TSFM: variants seen among roughly 807,000 people sequenced by gnomAD.
The protein encoded by TSFM is elongation factor Ts, mitochondrial.
In TSFM, 29 loss-of-function variants were observed where a neutral mutation model predicts 33.4. The ratio of observed to expected loss-of-function variants is 0.87; its 90% CI spans 0.65 to 1.18. TSFM has a LOEUF of 1.18. Among genes scored for constraint, TSFM ranks in the 50% most tolerant of loss-of-function variants. The probability of loss-of-function intolerance (pLI) is 0.00; values close to 1 mark genes in which losing one functional copy is unlikely to be tolerated. For synonymous variants in TSFM, 178 were observed against 163.5 expected (o/e 1.09, Z -0.68); for missense variants, 394 against 395.6 (o/e 1.00, Z 0.04).
chr12:57,787,917 GAA>G (rs951400198), intron 4 of TSFM, among the ~76,000 whole-genome samples: 8 of 141,504 alleles, frequency 5.7e-5, no homozygotes, highest in East Asian at 2.0e-4. Context: ...CTCCGTCTCA[GAA>G]AAAAAAAAAG....
chr12:57,786,911 T>C, intron 3 of TSFM, 129 bp from the exon 4 acceptor site: 1 of 1,006,600 alleles, frequency 9.9e-7, no homozygotes, highest in African/African-American at 1.6e-5. Context: ...TTTAAAATTT[T>C]GGAGTCATTT....
At chr12:57,783,934 C>T (rs1490072785) in intron 2 of TSFM, 9 of 702,646 alleles carry the variant, frequency 1.3e-5, no homozygotes, top group Non-Finnish European at 2.3e-5. Flanking sequence ...ACATCTTAAT[C>T]TTTCAGAGTT....
chr12:57,787,687 G>C (rs1955608072), intron 4 of TSFM, among the ~76,000 whole-genome samples: 1 of 152,154 alleles, frequency 6.6e-6, no homozygotes. Context: ...CCAGCACTTT[G>C]GGAGGCCGAG....
chr12:57,799,159 G>A (rs964710555), downstream of TSFM, among the ~76,000 whole-genome samples: 1 of 152,192 alleles, frequency 6.6e-6, no homozygotes, highest in Non-Finnish European at 1.5e-5. Context: ...TCCCTGGGGA[G>A]GTGATATTAG....
intron 4 of TSFM, 148 bp from the exon 5 acceptor site, chr12:57,792,838 C>T (rs1955681557): frequency 1.6e-6 from 1 of 623,326 alleles, no homozygotes; most frequent in Non-Finnish European, 2.7e-6. Context: ...GTGATCCACC[C>T]ACCTTGGCTT....
At chr12:57,795,548 A>C (rs1014117208) in intron 5 of TSFM, among the ~76,000 whole-genome samples, 1 of 152,194 alleles carries the variant, frequency 6.6e-6, no homozygotes, top group African/African-American at 2.4e-5. Context: ...ATAGTCAGTA[A>C]ATAGGCAGAA....
chr12:57,784,288 C>G, intron 2 of TSFM: 1 of 604,354 alleles, frequency 1.7e-6, no homozygotes, highest in Non-Finnish European at 3.0e-6. Context: ...GGAAGTTGCT[C>G]TGGGTGAGTC....
At chr12:57,795,564 ACCTGAGT>A (rs1473734177) in intron 5 of TSFM, among the ~76,000 whole-genome samples, 2 of 152,118 alleles carry the variant, frequency 1.3e-5, no homozygotes, top group African/African-American at 4.8e-5. Flanking sequence ...CAGAACTGAG[ACCTGAGT>A]CACACATACT....
chr12:57,782,867 T>C lies in TSFM; in HGVS notation c.57+9T>C, dbSNP rs1955530584. 6.3e-7 allele frequency: 1 copy of C among 1,590,546 alleles called. No homozygotes were observed. The highest frequency in any genetic ancestry group is 1.8e-5 in the Admixed American group (1 of 56,610). Reference sequence around the variant, plus strand: ...GGACCGGGAGCTACCCGGTGAGAAGTCCTGGTGCTGGTACCGACCTGCTGT... The same window carrying C: ...GGACCGGGAGCTACCCGGTGAGAAGCCCTGGTGCTGGTACCGACCTGCTGT... On this transcript the variant is annotated intron_variant, in intron 1 of 5. Coordinates refer to ENST00000652027, the MANE Select transcript of TSFM (RefSeq NM_005726.6).
intron 2 of TSFM, chr12:57,784,077 A>T (rs1269029286): frequency 3.7e-5 from 26 of 702,668 alleles, no homozygotes. Flanking sequence ...ATTGTACTAC[A>T]ACCTGGGCTA....
At chr12:57,792,206 C>T (rs12319746) in intron 4 of TSFM, among the ~76,000 whole-genome samples, 27 of 151,478 alleles carry the variant, frequency 1.8e-4, no homozygotes, top group Middle Eastern at 3.4e-3. Context: ...ATCATGCCAC[C>T]GCACTCCAGC....
chr12:57,796,998 G>A lies in TSFM; in HGVS notation c.*415G>A. 1 of 986,192 alleles carries A rather than the reference G, an allele frequency of 1.0e-6. No individual in the cohort carries two copies. The highest frequency in any genetic ancestry group is 1.2e-6 in the Non-Finnish European group (1 of 830,482). 61.1% of individuals were successfully genotyped at this position (986,192 alleles called of 1,614,324 possible). ...CCTAGTTATATTACTTGTGCCACAT[G>A]GATTTCTTTAGGATTATTGATTCAA... On this transcript the variant is annotated 3_prime_UTR_variant, in exon 6 of 6. Coordinates refer to ENST00000652027, the MANE Select transcript of TSFM (RefSeq NM_005726.6).
intron 5 of TSFM, among the ~76,000 whole-genome samples, chr12:57,793,501 C>T (rs113936163): frequency 3.3e-5 from 5 of 152,310 alleles, no homozygotes; most frequent in Admixed American, 6.5e-5. Context: ...GGATTACAGG[C>T]GTGAGCCACC....
At chr12:57,783,338 G>T in intron 2 of TSFM, 55 bp downstream of exon 2, 1 of 1,606,724 alleles carries the variant, frequency 6.2e-7, no homozygotes, top group Non-Finnish European at 8.5e-7. Context: ...TCAGACTCTT[G>T]GGGCGGTCAC....
At position 57,787,165 on chromosome 12, in the gene TSFM, A is replaced by G. The variant is rs767120560; in HGVS notation, c.483+3A>G. On this transcript the variant is annotated splice_donor_region_variant and intron_variant, in intron 4 of 5. Transcript: ENST00000652027. ...ATCAACCCTCTGCATACAGTAAAGTAAGTTTGGGATTTGTCTCCAGTGTGC... is the reference window on the plus strand; with the variant it reads ...ATCAACCCTCTGCATACAGTAAAGTGAGTTTGGGATTTGTCTCCAGTGTGC... 6.4e-7 allele frequency: 1 copy of G among 1,562,464 alleles called. No homozygotes were observed. Among genetic ancestry groups the G allele is most frequent in the Non-Finnish European group, 8.7e-7 (1 of 1,152,164 alleles).
At chr12:57,783,818 G>A in intron 2 of TSFM, 1 of 621,016 alleles carries the variant, frequency 1.6e-6, no homozygotes, top group Non-Finnish European at 2.8e-6. Flanking sequence ...GTTTCGCCGT[G>A]TCGGCCAGGC....
chr12:57,787,249 C>G, intron 4 of TSFM, 87 bp downstream of exon 4: 1 of 1,278,340 alleles, frequency 7.8e-7, no homozygotes, highest in Non-Finnish European at 1.1e-6. Flanking sequence ...TCTCATGTCT[C>G]ATTCTGTTAC....
At chr12:57,793,845 C>T (rs1377060852) in intron 5 of TSFM, among the ~76,000 whole-genome samples, 1 of 152,070 alleles carries the variant, frequency 6.6e-6, no homozygotes, top group Non-Finnish European at 1.5e-5. Context: ...GGTGGCAGGA[C>T]AATTGAGGAG....
intron 4 of TSFM, among the ~76,000 whole-genome samples, chr12:57,788,553 A>G (rs536007051): frequency 2.0e-5 from 3 of 152,332 alleles, no homozygotes; most frequent in East Asian, 3.9e-4. Flanking sequence ...CTGGGATTAC[A>G]GGCGTGAGCC....
Sources: allele counts gnomAD v4.1 joint callset (sites outside exome capture counted in the v4.1 genomes callset), GRCh38; gene constraint gnomAD v4.1.1; transcripts MANE v1.5; gene names NCBI Gene and HGNC (gene_info 2026-07-23, HGNC 2026-07-21).